Variants in LAMA3 observed in about 807,000 individuals in gnomAD.
LAMA3 encodes laminin subunit alpha-3.
A neutral mutation model predicts 402.0 loss-of-function variants in LAMA3; 281 were observed. That is an observed-to-expected ratio of 0.70 (90% CI 0.63 to 0.77). The LOEUF (loss-of-function observed/expected upper bound fraction) is 0.77. Among genes scored for constraint, LAMA3 ranks in the 30% least tolerant of loss-of-function variants. LAMA3 has a pLI of 0.00. For missense variants in LAMA3, 3,840 were observed against 4,215.5 expected, an observed-to-expected ratio of 0.91 and a Z score of 2.47; for synonymous variants, 1,431 against 1,558.4, an observed-to-expected ratio of 0.92 and a Z score of 1.93.
rs115743732 is a variant in LAMA3, at chr18:23,900,935, G to T, written c.6005-192G>T. On this transcript the variant is annotated intron_variant, in intron 47 of 74. Coordinates refer to ENST00000313654, the MANE Select transcript of LAMA3 (RefSeq NM_198129.4). ...GAATGATAATTTATTGTTTTCCTGT[G>T]GAAGTTAAATGAGGCAACATGTACA... Among the ~76,000 whole-genome samples, 341 of 152,228 alleles carry T rather than the reference G, an allele frequency of 2.2e-3. 2 individuals carry two copies. Among genetic ancestry groups the T allele is most frequent in the African/African-American group, 7.9e-3 (327 of 41,530 alleles).
At chr18:23,810,169 T>C (rs2063039640) in intron 12 of LAMA3, among the ~76,000 whole-genome samples, 197 bp from the exon 13 acceptor site, 2 of 152,142 alleles carry the variant, frequency 1.3e-5, no homozygotes, top group Admixed American at 6.5e-5. Context: ...TTAGTGTCAC[T>C]CCCACTTAAG....
intron 21 of LAMA3, among the ~76,000 whole-genome samples, chr18:23,824,796 C>CA (rs1179984293): frequency 3.3e-5 from 5 of 151,702 alleles, no homozygotes; most frequent in Admixed American, 6.6e-5. Flanking sequence ...TTCTCTTGGA[C>CA]AAAAAAAATA....
intron 8 of LAMA3, among the ~76,000 whole-genome samples, chr18:23,770,346 C>T (rs2060974661): frequency 6.6e-6 from 1 of 151,648 alleles, no homozygotes; most frequent in African/African-American, 2.4e-5. Flanking sequence ...TGGTTGGTAT[C>T]TGGGATATAC....
chr18:23,834,002 C>T lies in LAMA3; in HGVS notation c.2984+14C>T. The stretch of plus-strand genomic sequence containing the variant: ...CTGCAACTACAGGTACTCAGCCCCA[C>T]CAAGGGAATTCCTCTGTAAAGGAAC... On this transcript the variant is annotated intron_variant, in intron 24 of 74. Transcript: ENST00000313654. The T allele has an allele frequency of 1.2e-6, 2 of 1,614,074 alleles. No individual in the cohort carries two copies. Among genetic ancestry groups the T allele is most frequent in the South Asian group, 2.2e-5 (2 of 91,080 alleles).
At chr18:23,790,971 C>T (rs902286035) in intron 12 of LAMA3, among the ~76,000 whole-genome samples, 7 of 151,888 alleles carry the variant, frequency 4.6e-5, no homozygotes, top group Non-Finnish European at 7.4e-5. Context: ...TCACTGCAAG[C>T]TCCGCCTCCT....
At chr18:23,825,999 T>C (rs953868816) in intron 21 of LAMA3, among the ~76,000 whole-genome samples, 21 of 152,200 alleles carry the variant, frequency 1.4e-4, no homozygotes, top group African/African-American at 5.1e-4. Context: ...TCCTATACAT[T>C]TCTGTCTGAG....
At chr18:23,721,622 C>G (rs1402207617) in intron 2 of LAMA3, among the ~76,000 whole-genome samples, 1 of 152,174 alleles carries the variant, frequency 6.6e-6, no homozygotes, top group Admixed American at 6.5e-5. Flanking sequence ...TCGGTCTCTT[C>G]CATATCCCTC....
chr18:23,704,095 A>T (rs1473052750), intron 1 of LAMA3, among the ~76,000 whole-genome samples: 1 of 152,166 alleles, frequency 6.6e-6, no homozygotes, highest in Non-Finnish European at 1.5e-5. Context: ...GGAAACATGA[A>T]TGTGGTAATT....
At chr18:23,925,184 A>G (rs923893983) in intron 62 of LAMA3, among the ~76,000 whole-genome samples, 6 of 152,186 alleles carry the variant, frequency 3.9e-5, no homozygotes, top group African/African-American at 1.4e-4. Flanking sequence ...AAGTTCTCAA[A>G]CCTAACCTGG....
intron 2 of LAMA3, among the ~76,000 whole-genome samples, chr18:23,729,616 TTATA>T (rs770499468): frequency 6.6e-6 from 1 of 151,910 alleles, no homozygotes; most frequent in African/African-American, 2.4e-5. Flanking sequence ...TTAAAAATGA[TTATA>T]TATATATATG....
At chr18:23,812,291 A>G (rs1432680297) in intron 13 of LAMA3, among the ~76,000 whole-genome samples, 7 of 152,186 alleles carry the variant, frequency 4.6e-5, no homozygotes, top group Admixed American at 2.0e-4. Flanking sequence ...GCAGTGAGCT[A>G]TGATCGTGCC....
At chr18:23,899,187 C>T in intron 46 of LAMA3, 101 bp from the exon 47 acceptor site, 1 of 1,283,322 alleles carries the variant, frequency 7.8e-7, no homozygotes, top group Non-Finnish European at 1.1e-6. Context: ...TACTAAAAAA[C>T]TAATATAAAA....
chr18:23,909,168 A>G lies in LAMA3; in HGVS notation c.7031A>G (p.Asn2344Ser). The G allele has an allele frequency of 6.2e-7, 1 of 1,614,068 alleles. No individual in the cohort carries two copies. The highest frequency in any genetic ancestry group is 1.1e-5 in the South Asian group (1 of 91,076). The change falls in exon 55 of 75, where the codon AAC becomes AGC. Residue 2344 changes from asparagine (N) to serine (S), a missense_variant. Physicochemically the swap from Asn to Ser is conservative, Grantham distance 46. Coordinates refer to ENST00000313654, the MANE Select transcript of LAMA3 (RefSeq NM_198129.4). ...TCACCAACAGTGAATAAGTTAACCAACAAACTACCTGATCTTTGGCGCAAG... is the reference window on the plus strand; with the variant it reads ...TCACCAACAGTGAATAAGTTAACCAGCAAACTACCTGATCTTTGGCGCAAG... ...DADNSVNKLT[N>S]KLPDLWRKIE... is the part of the protein sequence containing the mutation.
intron 67 of LAMA3, among the ~76,000 whole-genome samples, chr18:23,935,364 G>A (rs192765224): frequency 3.6e-4 from 55 of 152,384 alleles, no homozygotes; most frequent in Non-Finnish European, 6.3e-4. Flanking sequence ...GTGGGAGACT[G>A]TCAGGAGTCT....
intron 67 of LAMA3, among the ~76,000 whole-genome samples, chr18:23,937,505 C>A (rs1057195234): frequency 6.6e-6 from 1 of 151,780 alleles, no homozygotes; most frequent in Non-Finnish European, 1.5e-5. Context: ...TGCCTGAATG[C>A]ATGATAGAGG....
At chr18:23,908,389 G>A (rs987800546) in intron 54 of LAMA3, among the ~76,000 whole-genome samples, 20 of 151,946 alleles carry the variant, frequency 1.3e-4, no homozygotes, top group Non-Finnish European at 2.1e-4. Context: ...AATTAGCCAG[G>A]CGTGGTGATG....
chr18:23,805,883 C>T (rs2062953186), intron 12 of LAMA3, among the ~76,000 whole-genome samples: 1 of 152,122 alleles, frequency 6.6e-6, no homozygotes, highest in Non-Finnish European at 1.5e-5. Flanking sequence ...ACAATAGTAC[C>T]TACTCTCCCC....
At chr18:23,817,420 C>G (rs1427027304) in intron 18 of LAMA3, among the ~76,000 whole-genome samples, 1 of 152,118 alleles carries the variant, frequency 6.6e-6, no homozygotes, top group African/African-American at 2.4e-5. Context: ...TCTCTCCTTT[C>G]CCTCAATGTT....
At chr18:23,944,863 G>A (rs1159394396) in intron 69 of LAMA3, among the ~76,000 whole-genome samples, 5 of 152,204 alleles carry the variant, frequency 3.3e-5, no homozygotes, top group African/African-American at 7.2e-5. Context: ...GGCCAGGCGC[G>A]GTGGCTCATG....
Sources: allele counts gnomAD v4.1 joint callset (sites outside exome capture counted in the v4.1 genomes callset), GRCh38; gene constraint gnomAD v4.1.1; transcripts MANE v1.5; gene names NCBI Gene and HGNC (gene_info 2026-07-23, HGNC 2026-07-21).